The following CLDN14 variants were observed in gnomAD, a reference collection of about 807,000 sequenced individuals.
CLDN14 encodes claudin-14.
In CLDN14, 2 loss-of-function variants were observed where a neutral mutation model predicts 2.1. The ratio of observed to expected loss-of-function variants is 0.96; its 90% CI spans 0.39 to 3.01. CLDN14 has a LOEUF of 3.01. Ranked by LOEUF, CLDN14 falls within the 30% of genes most tolerant of loss-of-function variation. The probability of loss-of-function intolerance (pLI) is 0.09; values close to 1 mark genes in which losing one functional copy is unlikely to be tolerated. For synonymous variants in CLDN14, 136 were observed against 154.4 expected (o/e 0.88, Z 0.88); for missense variants, 298 against 328.0 (o/e 0.91, Z 0.71).
intron 1 of CLDN14, among the ~76,000 whole-genome samples, chr21:36,463,050 A>G (rs2086600060): frequency 6.6e-6 from 1 of 151,852 alleles, no homozygotes; most frequent in African/African-American, 2.4e-5. Context: ...AGGAAGGAAA[A>G]AAAGGAAGGG....
intron 1 of CLDN14, among the ~76,000 whole-genome samples, chr21:36,537,786 G>A (rs1413875134): frequency 2.0e-5 from 3 of 151,854 alleles, no homozygotes; most frequent in South Asian, 2.1e-4. Flanking sequence ...AGTAGCTGGC[G>A]TTACAGGTGC....
Position 36,551,349 on chromosome 21 carries a change from G to A in CLDN14, c.-220+25062C>T, listed in dbSNP as rs560442694. On this transcript the variant is annotated intron_variant, in intron 1 of 2. Coordinates refer to the CLDN14 transcript ENST00000342108. The surrounding 1 kb of genome is among the most constrained non-coding windows in gnomAD (Gnocchi z 4.8). Reference sequence around the variant, plus strand: ...CCTGCGGACAGGATTTATTCCTGGAGCCTCTGCCTCCCGTAAGCTGGCGGG... The same window carrying A: ...CCTGCGGACAGGATTTATTCCTGGAACCTCTGCCTCCCGTAAGCTGGCGGG... Among the ~76,000 whole-genome samples the A allele has an allele frequency of 1.5e-4, 23 of 152,304 alleles. No homozygotes were observed. Among genetic ancestry groups the A allele is most frequent in the Non-Finnish European group, 3.2e-4 (22 of 68,032 alleles).
chr21:36,523,059 C>G (rs150751409), intron 1 of CLDN14, among the ~76,000 whole-genome samples: 1 of 152,284 alleles, frequency 6.6e-6, no homozygotes, highest in Non-Finnish European at 1.5e-5. Context: ...TCCCCACCTC[C>G]CCAGGGACAC....
intron 1 of CLDN14, among the ~76,000 whole-genome samples, chr21:36,535,520 G>A (rs2087417089): frequency 6.6e-6 from 1 of 152,176 alleles, no homozygotes; most frequent in Admixed American, 6.5e-5. Flanking sequence ...AAAATGGTAT[G>A]TGAATTATAA....
At chr21:36,533,593 CAG>C (rs1345669598) in intron 1 of CLDN14, among the ~76,000 whole-genome samples, 10 of 152,110 alleles carry the variant, frequency 6.6e-5, no homozygotes, top group African/African-American at 2.4e-4. Context: ...AATGAGCAAA[CAG>C]AATGCAGGGT....
chr21:36,505,797 C>A (rs980798192), intron 2 of CLDN14, among the ~76,000 whole-genome samples: 5 of 152,162 alleles, frequency 3.3e-5, no homozygotes, highest in Non-Finnish European at 7.3e-5. Flanking sequence ...ATTGTTAACC[C>A]CTTCCTGGTT....
chr21:36,545,239 C>A (rs1173584374), intron 1 of CLDN14, among the ~76,000 whole-genome samples: 2 of 152,172 alleles, frequency 1.3e-5, no homozygotes, highest in Non-Finnish European at 2.9e-5. Context: ...ATGCAATATT[C>A]TTAAAGCGTT....
At chr21:36,539,796 ATGTC>A (rs2146509315) in intron 1 of CLDN14, among the ~76,000 whole-genome samples, 1 of 141,986 alleles carries the variant, frequency 7.0e-6, no homozygotes, top group South Asian at 2.3e-4. Context: ...TGTGTGCAGT[ATGTC>A]TGCAGATGAG....
At chr21:36,527,964 T>A (rs928302217) in intron 1 of CLDN14, among the ~76,000 whole-genome samples, 6 of 152,164 alleles carry the variant, frequency 3.9e-5, no homozygotes, top group African/African-American at 1.4e-4. Context: ...GACAAAAGTA[T>A]TAGTTTTCAA....
intron 2 of CLDN14, among the ~76,000 whole-genome samples, chr21:36,491,036 G>A (rs1433082131): frequency 6.6e-6 from 1 of 151,846 alleles, no homozygotes; most frequent in Non-Finnish European, 1.5e-5. Flanking sequence ...TTTGGCAGCA[G>A]CAAAGCCAAA....
intron 1 of CLDN14, among the ~76,000 whole-genome samples, chr21:36,470,726 C>T (rs1246790954): frequency 6.6e-6 from 1 of 152,214 alleles, no homozygotes; most frequent in Non-Finnish European, 1.5e-5. Flanking sequence ...ATAATCCCAA[C>T]ACTTTGGGAG....
chr21:36,562,242 G>A (rs1435420548), intron 1 of CLDN14, among the ~76,000 whole-genome samples: 1 of 152,082 alleles, frequency 6.6e-6, no homozygotes, highest in Non-Finnish European at 1.5e-5. Flanking sequence ...AAGAGGGTGG[G>A]AAATCTGGCA....
intron 1 of CLDN14, among the ~76,000 whole-genome samples, chr21:36,462,832 C>T (rs1263877024): frequency 9.2e-5 from 14 of 151,896 alleles, no homozygotes; most frequent in African/African-American, 3.1e-4. Flanking sequence ...GCAGGAGAAT[C>T]GCTTGAACCA....
rs551215354 is a variant in CLDN14 at position 36,479,654 on chromosome 21, C to T, written c.-241G>A. ...TTCTGCCAACCAGACGCTTCCAGGA[C>T]GGAGTATTTGAGAGAAAATTGTCTA... On this transcript the variant is annotated 5_prime_UTR_variant, in exon 1 of 2. Coordinates refer to ENST00000399135, the MANE Select transcript of CLDN14 (RefSeq NM_001146079.2). 4.9e-4 allele frequency: 75 copies of T among 152,328 alleles called. No individual in the cohort carries two copies. Among genetic ancestry groups the T allele is most frequent in the African/African-American group, 1.5e-3 (64 of 41,570 alleles). The allele number at this position is 152,328 out of a possible 1,614,324, so 9.4% of individuals were successfully genotyped here. A position where few individuals can be genotyped will look rare whatever the true frequency, so the allele number is the denominator to read the frequency against.
chr21:36,494,326 C>T (rs1043702728), intron 2 of CLDN14, among the ~76,000 whole-genome samples: 4 of 152,158 alleles, frequency 2.6e-5, no homozygotes, highest in African/African-American at 9.7e-5. Context: ...TTGTTTCAAA[C>T]AGACAGGGCT....
At chr21:36,530,304 C>T (rs567668700) in intron 1 of CLDN14, among the ~76,000 whole-genome samples, 6 of 81,142 alleles carry the variant, frequency 7.4e-5, no homozygotes, top group African/African-American at 2.4e-4. Context: ...GGGACAGTGG[C>T]GGGGGGTGGG....
At chr21:36,517,036 C>T (rs1018359067) in intron 1 of CLDN14, among the ~76,000 whole-genome samples, 4 of 151,680 alleles carry the variant, frequency 2.6e-5, no homozygotes, top group African/African-American at 9.7e-5. Flanking sequence ...GACGGGGTTT[C>T]GCCAAGTTGG....
At chr21:36,532,391 A>T (rs1162134538) in intron 1 of CLDN14, 2 of 62,846 alleles carry the variant, frequency 3.2e-5, no homozygotes, top group African/African-American at 8.5e-5. Context: ...TAAATAAATA[A>T]ATGTTTAAAA....
intron 1 of CLDN14, among the ~76,000 whole-genome samples, chr21:36,536,736 CT>C (rs891409571): frequency 6.6e-6 from 1 of 152,150 alleles, no homozygotes; most frequent in Admixed American, 6.5e-5. Context: ...AATATTTTCT[CT>C]TTTTTTCAAC....
Sources: allele counts gnomAD v4.1 joint callset (sites outside exome capture counted in the v4.1 genomes callset), GRCh38; gene constraint gnomAD v4.1.1; non-coding constraint Gnocchi (gnomAD v3.1); transcripts MANE v1.5; gene names NCBI Gene and HGNC (gene_info 2026-07-23, HGNC 2026-07-21).